The following DTNA variants were observed in gnomAD, a reference collection of about 807,000 sequenced individuals.
DTNA encodes the protein dystrophin-related protein 3.
A neutral mutation model predicts 100.7 loss-of-function variants in DTNA; 43 were observed. The observed-to-expected ratio is 0.43, with a 90% CI of 0.33 to 0.55. DTNA has a LOEUF of 0.55. Ranked by LOEUF, DTNA falls within the 20% of genes least tolerant of loss-of-function variation. The pLI, the probability that DTNA is intolerant of heterozygous loss-of-function variation, is 0.04. For synonymous variants in DTNA, 349 were observed against 347.9 expected, an observed-to-expected ratio of 1.00 and a Z score of -0.04; for missense variants, 798 against 953.9, an observed-to-expected ratio of 0.84 and a Z score of 2.15.
chr18:34,881,457 T>TTTTTTTTTTTTTG (rs1475511963), intron 20 of DTNA, among the ~76,000 whole-genome samples: 1 of 147,160 alleles, frequency 6.8e-6, no homozygotes, highest in African/African-American at 2.5e-5. Flanking sequence ...TTTTTTTTTT[T>TTTTTTTTTTTTTG]TTTTTCAGAT....
At chr18:34,769,350 A>G (rs2093643902) in intron 3 of DTNA, among the ~76,000 whole-genome samples, 3 of 152,220 alleles carry the variant, frequency 2.0e-5, no homozygotes, top group South Asian at 4.1e-4. Context: ...TTTACATGAC[A>G]TAACATTAGT....
intron 1 of DTNA, among the ~76,000 whole-genome samples, chr18:34,581,272 C>CAAAAT (rs1555629735): frequency 1.4e-5 from 2 of 139,456 alleles, no homozygotes; most frequent in East Asian, 4.0e-4. Flanking sequence ...CAAAACAAAA[C>CAAAAT]AAAAAAACAA....
intron 1 of DTNA, among the ~76,000 whole-genome samples, chr18:34,754,903 G>A (rs774755784): frequency 2.0e-5 from 3 of 152,168 alleles, no homozygotes; most frequent in Non-Finnish European, 4.4e-5. Flanking sequence ...ACTGAGATTT[G>A]AAGGGTGACA....
At chr18:34,774,655 C>A (rs2093953301) in intron 3 of DTNA, among the ~76,000 whole-genome samples, 1 of 152,204 alleles carries the variant, frequency 6.6e-6, no homozygotes, top group African/African-American at 2.4e-5. Flanking sequence ...CTTACTGAAA[C>A]TTTACATAAA....
At chr18:34,695,517 G>A (rs1167260968) in intron 1 of DTNA, among the ~76,000 whole-genome samples, 2 of 152,136 alleles carry the variant, frequency 1.3e-5, no homozygotes, top group Non-Finnish European at 2.9e-5. Context: ...CAGTGGAGAC[G>A]GGTCAGAGAG....
intron 14 of DTNA, among the ~76,000 whole-genome samples, chr18:34,849,982 A>G (rs2096452637): frequency 6.6e-6 from 1 of 152,196 alleles, no homozygotes; most frequent in Non-Finnish European, 1.5e-5. Context: ...GTCTTGTTCC[A>G]TTTCTTTCTG....
intron 1 of DTNA, among the ~76,000 whole-genome samples, chr18:34,701,353 A>G (rs996159130): frequency 6.6e-6 from 1 of 152,140 alleles, no homozygotes; most frequent in East Asian, 1.9e-4. Context: ...ACTTCTCAGT[A>G]GCTTTCAACT....
At chr18:34,513,163 A>G (rs1406661644) in intron 1 of DTNA, among the ~76,000 whole-genome samples, 1 of 152,100 alleles carries the variant, frequency 6.6e-6, no homozygotes, top group Non-Finnish European at 1.5e-5. Flanking sequence ...AAAACTGCCA[A>G]GGTGCACATT....
chr18:34,612,828 A>G (rs372483707), intron 1 of DTNA, among the ~76,000 whole-genome samples: 2 of 152,220 alleles, frequency 1.3e-5, no homozygotes, highest in Non-Finnish European at 2.9e-5. Context: ...AAGATACTAT[A>G]CTCATTAGAA....
intron 1 of DTNA, among the ~76,000 whole-genome samples, chr18:34,740,738 A>G (rs773477761): frequency 2.0e-5 from 3 of 152,018 alleles, no homozygotes; most frequent in Non-Finnish European, 4.4e-5. Flanking sequence ...CAAGGCTGCA[A>G]TGAACTATAA....
intron 3 of DTNA, among the ~76,000 whole-genome samples, chr18:34,771,455 G>A (rs1488587998): frequency 5.3e-5 from 8 of 151,656 alleles, no homozygotes; most frequent in Non-Finnish European, 8.8e-5. Context: ...AGCTGAGATC[G>A]TGCCACTGCA....
At chr18:34,585,003 T>G (rs2048986139) in intron 1 of DTNA, among the ~76,000 whole-genome samples, 1 of 151,970 alleles carries the variant, frequency 6.6e-6, no homozygotes, top group Admixed American at 6.6e-5. Context: ...CTGTGTAAAG[T>G]AAAAGTAACA....
chr18:34,746,564 T>A (rs973445223), intron 1 of DTNA, among the ~76,000 whole-genome samples: 2 of 151,386 alleles, frequency 1.3e-5, no homozygotes, highest in East Asian at 3.9e-4. Context: ...CATGATTCTC[T>A]AAAAAAAAAT....
At chr18:34,863,300 G>A (rs530793324) in intron 16 of DTNA, among the ~76,000 whole-genome samples, 5 of 152,228 alleles carry the variant, frequency 3.3e-5, no homozygotes. Context: ...CTTGCTGACA[G>A]TTTAATAAAA....
chr18:34,746,506 C>G (rs1184973248), intron 1 of DTNA, among the ~76,000 whole-genome samples: 2 of 151,992 alleles, frequency 1.3e-5, no homozygotes, highest in African/African-American at 4.8e-5. Context: ...AATACAGATG[C>G]ACACATGTAC....
At chr18:34,761,740 T>A (rs553555300) in intron 2 of DTNA, among the ~76,000 whole-genome samples, 4 of 152,342 alleles carry the variant, frequency 2.6e-5, no homozygotes, top group Admixed American at 2.6e-4. Flanking sequence ...ATGAAAAGTT[T>A]CAAATATATG....
intron 11 of DTNA, among the ~76,000 whole-genome samples, chr18:34,835,155 G>T (rs1181955573): frequency 2.0e-5 from 3 of 152,166 alleles, no homozygotes; most frequent in Admixed American, 6.5e-5. Flanking sequence ...ATGAGAAGAA[G>T]AATTTGAGGC....
intron 15 of DTNA, among the ~76,000 whole-genome samples, chr18:34,853,178 C>G (rs1293730203): frequency 6.6e-6 from 1 of 152,232 alleles, no homozygotes. Context: ...TGGTTTTTGC[C>G]ATTATTTTTA....
intron 17 of DTNA, 79 bp downstream of exon 17, chr18:34,864,141 T>C: frequency 7.9e-7 from 1 of 1,266,268 alleles, no homozygotes; most frequent in Non-Finnish European, 1.1e-6. Flanking sequence ...TGTGCAATGG[T>C]TTTTCCAATT....
Sources: gnomAD v4.1 joint callset for allele counts (sites outside exome capture counted in the v4.1 genomes callset) on GRCh38, gnomAD v4.1.1 for gene constraint, MANE v1.5 for transcripts, NCBI Gene and HGNC (gene_info 2026-07-23, HGNC 2026-07-21) for gene names.